The following UPB1 variants were observed in gnomAD, a reference collection of about 807,000 sequenced individuals.
The protein encoded by UPB1 is beta-ureidopropionase.
In UPB1, 40 loss-of-function variants were observed where a neutral mutation model predicts 49.1. The observed-to-expected ratio is 0.81, with a 90% CI of 0.63 to 1.06. The LOEUF (loss-of-function observed/expected upper bound fraction) is 1.06. UPB1 is among the 50% of genes least tolerant of loss of function. The pLI is 0.00. For missense variants in UPB1, 499 were observed against 505.9 expected (o/e 0.99, Z 0.13); for synonymous variants, 207 against 198.2 (o/e 1.04, Z -0.38).
At chr22:24,505,144 A>G (rs572347140) in intron 3 of UPB1, among the ~76,000 whole-genome samples, 14 of 152,070 alleles carry the variant, frequency 9.2e-5, no homozygotes, top group Non-Finnish European at 1.6e-4. Context: ...TGAATTTACT[A>G]GTGTTCTTTT....
At chr22:24,521,179 CAAAA>C (rs34276962) in intron 7 of UPB1, among the ~76,000 whole-genome samples, 15 of 62,660 alleles carry the variant, frequency 2.4e-4, no homozygotes, top group East Asian at 5.4e-4. Context: ...GAGACTCTGT[CAAAA>C]AAAAAAAAAA....
chr22:24,521,713 C>T (rs534297443), intron 7 of UPB1, among the ~76,000 whole-genome samples: 1 of 152,298 alleles, frequency 6.6e-6, no homozygotes, highest in East Asian at 1.9e-4. Flanking sequence ...CAGTTTCTTT[C>T]TCTTCTCTCA....
At chr22:24,508,901 AAG>A (rs2044141405) in intron 3 of UPB1, among the ~76,000 whole-genome samples, 2 of 152,256 alleles carry the variant, frequency 1.3e-5, no homozygotes, top group Admixed American at 1.3e-4. Flanking sequence ...GAAAAAAAGA[AAG>A]AAATGCACTT....
chr22:24,514,937 C>T lies in UPB1; in HGVS notation c.622-264C>T, dbSNP rs547071078. ...CACCAGAGTTTGAAATAGTGTGGAA[C>T]GTCATTGTGGGGATTTTTGTGACAT... is the stretch of plus-strand genomic sequence containing the variant. On this transcript the variant is annotated intron_variant, in intron 5 of 9. Coordinates refer to ENST00000326010, the MANE Select transcript of UPB1 (RefSeq NM_016327.3). Among the ~76,000 whole-genome samples the T allele has an allele frequency of 2.2e-4, 33 of 152,192 alleles. No homozygotes were observed. In the South Asian group the frequency reaches 6.6e-3, roughly 31 times the overall value.
chr22:24,520,092 A>C, intron 6 of UPB1: 1 of 480,764 alleles, frequency 2.1e-6, no homozygotes, highest in Non-Finnish European at 3.8e-6. Flanking sequence ...CAGGGCTGCT[A>C]ATTCTTCTGA....
intron 5 of UPB1, among the ~76,000 whole-genome samples, chr22:24,514,371 G>A (rs1480119482): frequency 1.3e-5 from 2 of 152,148 alleles, no homozygotes; most frequent in Admixed American, 6.5e-5. Flanking sequence ...TTAATCTTTA[G>A]CTCCCTGCAG....
Position 24,525,788 on chromosome 22 carries a change from A to G in UPB1, c.1149A>G (p.Lys383=). Residue 383 remains lysine (K), a synonymous_variant, in exon 10 of 10, where the codon AAA becomes AAG. Coordinates refer to ENST00000326010, the MANE Select transcript of UPB1 (RefSeq NM_016327.3). The part of the protein sequence containing the change: ...VKSNYSPTIV[K]E ...CCAACTACAGCCCCACCATCGTGAA[A>G]GAGTAGCCGGCTTCAGTGCCTGCCT... 1.2e-6 allele frequency: 2 copies of G among 1,614,216 alleles called. No individual in the cohort carries two copies. Among genetic ancestry groups the G allele is most frequent in the Non-Finnish European group, 1.7e-6 (2 of 1,180,044 alleles).
intron 5 of UPB1, 69 bp downstream of exon 5, chr22:24,513,554 G>A: frequency 2.6e-6 from 4 of 1,564,070 alleles, no homozygotes; most frequent in Non-Finnish European, 3.5e-6. Flanking sequence ...GATCTCTGTG[G>A]GACTTTCTGT....
intron 7 of UPB1, among the ~76,000 whole-genome samples, chr22:24,521,574 G>T (rs1456916883): frequency 1.3e-5 from 2 of 152,182 alleles, no homozygotes; most frequent in Non-Finnish European, 2.9e-5. Context: ...GTTTCCATTA[G>T]GTTCTGGAGG....
chr22:24,495,629 T>G (rs934641695), intron 1 of UPB1, 122 bp downstream of exon 1: 1 of 1,081,346 alleles, frequency 9.2e-7, no homozygotes, highest in Non-Finnish European at 1.4e-6. Flanking sequence ...AGTCCTGAGT[T>G]GGCGGGCAGA....
intron 2 of UPB1, among the ~76,000 whole-genome samples, chr22:24,500,488 C>T (rs1453372649): frequency 3.9e-5 from 6 of 152,252 alleles, no homozygotes; most frequent in Non-Finnish European, 5.9e-5. Context: ...CTGTCTCTCC[C>T]TCCTCCTCAC....
At chr22:24,502,005 C>A in intron 2 of UPB1, 121 bp from the exon 3 acceptor site, 1 of 977,850 alleles carries the variant, frequency 1.0e-6, no homozygotes, top group South Asian at 1.3e-5. Context: ...TAGAACCTCC[C>A]CACCCTACTC....
In UPB1 at chr22:24,502,159, G is replaced by C. The variant is rs1176402115; in HGVS notation, c.310G>C (p.Val104Leu). ...SALHRRIKAIVEVAAMCGVNI... is the reference protein window; with the variant it reads ...SALHRRIKAILEVAAMCGVNI... ...CCTTCATAGACGCATAAAGGCTATC[G>C]TAGAGGTGGCTGCAATGTGTGGAGT... The change falls in exon 3 of 10, where the codon GTA becomes CTA. Residue 104 changes from valine to leucine, a missense_variant. Transcript: ENST00000326010. The C allele has an allele frequency of 4.3e-6, 7 of 1,614,174 alleles. No individual in the cohort carries two copies. The highest frequency in any genetic ancestry group is 5.9e-6 in the Non-Finnish European group (7 of 1,180,036).
chr22:24,495,546 CCA>C, intron 1 of UPB1, 39 bp downstream of exon 1: 1 of 1,605,828 alleles, frequency 6.2e-7, no homozygotes, highest in African/African-American at 1.3e-5. Flanking sequence ...GGTCTTGGGG[CCA>C]CAGAGTGTGG....
chr22:24,503,374 T>A (rs1176211741), intron 3 of UPB1: 1 of 152,388 alleles, frequency 6.6e-6, no homozygotes, highest in African/African-American at 2.4e-5. Context: ...GGAATCCCTT[T>A]GCCTTGCTCT....
intron 2 of UPB1, among the ~76,000 whole-genome samples, chr22:24,501,626 C>T (rs1428421446): frequency 2.0e-5 from 3 of 152,212 alleles, no homozygotes; most frequent in Non-Finnish European, 2.9e-5. Context: ...AAGTACATTC[C>T]TGGCCCAGGG....
At chr22:24,523,943 G>A (rs1241342266) in intron 9 of UPB1, among the ~76,000 whole-genome samples, 170 bp downstream of exon 9, 1 of 152,230 alleles carries the variant, frequency 6.6e-6, no homozygotes, top group Non-Finnish European at 1.5e-5. Context: ...GCTCCCGGGA[G>A]GAACAGTTGG....
intron 9 of UPB1, among the ~76,000 whole-genome samples, chr22:24,524,319 C>T (rs2044446785): frequency 6.6e-6 from 1 of 152,154 alleles, no homozygotes; most frequent in Admixed American, 6.5e-5. Context: ...ACTCGAAGGT[C>T]CCATGCTGGC....
At chr22:24,502,102 T>C (rs903878408) in intron 2 of UPB1, 24 bp from the exon 3 acceptor site, 2 of 1,612,942 alleles carry the variant, frequency 1.2e-6, no homozygotes, top group African/African-American at 2.7e-5. Flanking sequence ...ACTAAATGGA[T>C]TCTAATCCTT....
Sources: gnomAD v4.1 joint callset for allele counts (sites outside exome capture counted in the v4.1 genomes callset) on GRCh38, gnomAD v4.1.1 for gene constraint, MANE v1.5 for transcripts, NCBI Gene and HGNC (gene_info 2026-07-23, HGNC 2026-07-21) for gene names.